Variants in LRMDA observed in about 807,000 individuals in gnomAD.
LRMDA encodes leucine rich melanocyte differentiation associated.
In LRMDA, 18 loss-of-function variants were observed where a neutral mutation model predicts 29.8. The observed-to-expected ratio is 0.60, with a 90% CI of 0.42 to 0.90. The LOEUF is 0.90. Among genes scored for constraint, LRMDA ranks in the 40% least tolerant of loss-of-function variants. The pLI is 0.00. For synonymous variants in LRMDA, 125 were observed against 109.4 expected (o/e 1.14, Z -0.89); for missense variants, 273 against 273.9 (o/e 1.00, Z 0.02).
At chr10:75,999,612 C>T (rs571590904) in intron 2 of LRMDA, among the ~76,000 whole-genome samples, 2 of 152,318 alleles carry the variant, frequency 1.3e-5, no homozygotes, top group South Asian at 4.1e-4. Flanking sequence ...AGCTTGATTC[C>T]AGCAAGAACA....
At chr10:75,959,186 G>T (rs1846718278) in intron 2 of LRMDA, among the ~76,000 whole-genome samples, 1 of 152,176 alleles carries the variant, frequency 6.6e-6, no homozygotes, top group African/African-American at 2.4e-5. Context: ...AGAAAACCTA[G>T]TTAGAAGGTC....
intron 2 of LRMDA, chr10:75,783,135 T>A: frequency 7.9e-7 from 1 of 1,272,878 alleles, no homozygotes; most frequent in Non-Finnish European, 1.1e-6. Context: ...GCGAGATGAT[T>A]GATCTGCATA....
intron 2 of LRMDA, among the ~76,000 whole-genome samples, chr10:75,636,977 A>G (rs183795451): frequency 7.9e-5 from 12 of 152,296 alleles, no homozygotes; most frequent in Admixed American, 7.8e-4. Flanking sequence ...CCTATTGAAC[A>G]CTTACAGTAT....
intron 2 of LRMDA, among the ~76,000 whole-genome samples, chr10:75,532,727 C>G (rs1845492654): frequency 6.6e-6 from 1 of 152,136 alleles, no homozygotes; most frequent in Non-Finnish European, 1.5e-5. Context: ...AGACAACCTG[C>G]ATCACTCAGA....
chr10:76,108,066 G>A (rs1029887149), intron 5 of LRMDA, among the ~76,000 whole-genome samples: 1 of 152,152 alleles, frequency 6.6e-6, no homozygotes, highest in African/African-American at 2.4e-5. Flanking sequence ...ACAGAAATTA[G>A]GGAAGTAAGA....
At chr10:75,438,680 G>T (rs1237148161) in intron 2 of LRMDA, among the ~76,000 whole-genome samples, 186 bp downstream of exon 2, 1 of 152,206 alleles carries the variant, frequency 6.6e-6, no homozygotes, top group African/African-American at 2.4e-5. Context: ...TTCCTTGGCT[G>T]CCTTTTTTTG....
intron 6 of LRMDA, among the ~76,000 whole-genome samples, chr10:76,416,615 C>T (rs556565050): frequency 1.4e-4 from 22 of 152,248 alleles, no homozygotes; most frequent in African/African-American, 4.3e-4. Flanking sequence ...AAACAAAAAC[C>T]ACCTCCATGG....
intron 6 of LRMDA, among the ~76,000 whole-genome samples, chr10:76,361,524 G>T (rs1841312735): frequency 6.6e-6 from 1 of 152,164 alleles, no homozygotes; most frequent in African/African-American, 2.4e-5. Flanking sequence ...GGGCAGGATT[G>T]TGATGGATGG....
At chr10:75,990,996 G>C (rs765864903) in intron 2 of LRMDA, among the ~76,000 whole-genome samples, 10 of 152,128 alleles carry the variant, frequency 6.6e-5, no homozygotes, top group Non-Finnish European at 1.2e-4. Flanking sequence ...CTGGACCTCA[G>C]CCTCCTCCTC....
intron 2 of LRMDA, among the ~76,000 whole-genome samples, chr10:75,532,035 C>A (rs1377010225): frequency 8.0e-6 from 1 of 124,796 alleles, no homozygotes; most frequent in Non-Finnish European, 1.6e-5. Flanking sequence ...TAAGGGAAGA[C>A]TCTACCTCAA....
At chr10:75,855,646 C>A (rs1301811514) in intron 2 of LRMDA, among the ~76,000 whole-genome samples, 2 of 152,178 alleles carry the variant, frequency 1.3e-5, no homozygotes, top group African/African-American at 2.4e-5. Context: ...GGCCATGCCT[C>A]TGTCCTGAAT....
chr10:75,461,307 C>T (rs1564776837), intron 2 of LRMDA, among the ~76,000 whole-genome samples: 1 of 152,146 alleles, frequency 6.6e-6, no homozygotes. Context: ...CTCTGTGTCC[C>T]TGGATCTTCA....
At chr10:76,204,913 CCCTGGCT>C (rs1264347606) in intron 5 of LRMDA, among the ~76,000 whole-genome samples, 1 of 152,170 alleles carries the variant, frequency 6.6e-6, no homozygotes, top group Non-Finnish European at 1.5e-5. Flanking sequence ...TCAGGAGAAT[CCCTGGCT>C]TCTGGAGTTT....
intron 2 of LRMDA, among the ~76,000 whole-genome samples, chr10:75,574,461 T>C (rs529763251): frequency 6.6e-6 from 1 of 152,340 alleles, no homozygotes; most frequent in East Asian, 1.9e-4. Flanking sequence ...CCCAGTGGAA[T>C]GATCTCATTT....
chr10:75,617,064 A>AG (rs924289877), intron 2 of LRMDA, among the ~76,000 whole-genome samples: 20 of 152,310 alleles, frequency 1.3e-4, no homozygotes, highest in African/African-American at 4.6e-4. Context: ...TTTCTATGAA[A>AG]GTGTGCATTT....
At chr10:76,054,517 T>A (rs1848578949) in intron 4 of LRMDA, among the ~76,000 whole-genome samples, 1 of 152,000 alleles carries the variant, frequency 6.6e-6, no homozygotes. Context: ...GTTGTCATCA[T>A]GGTTCCTGCC....
rs201504500 is a variant in LRMDA at position 76,000,102 on chromosome 10, A to AT, written c.132-35896dup. On this transcript the variant is annotated intron_variant, in intron 2 of 6. Transcript: ENST00000611255. ...AAAGAAATCTCTTCTCTTGAAGATA[A>AT]TTTTTTTTTTAAATTGAGGGGAACA... Among the ~76,000 whole-genome samples, 1,259 of 150,856 alleles carry AT rather than the reference A, an allele frequency of 8.3e-3. 10 individuals are homozygous for AT. The highest frequency in any genetic ancestry group is 0.01 in the Middle Eastern group (3 of 290).
chr10:76,115,420 C>T (rs913754203), intron 5 of LRMDA, among the ~76,000 whole-genome samples: 11 of 152,338 alleles, frequency 7.2e-5, no homozygotes, highest in South Asian at 4.1e-4. Flanking sequence ...GCAGAGTCGT[C>T]GTCCTCCTCC....
chr10:75,662,671 A>G (rs926330754), intron 2 of LRMDA, among the ~76,000 whole-genome samples: 3 of 152,228 alleles, frequency 2.0e-5, no homozygotes, highest in Non-Finnish European at 4.4e-5. Context: ...AAAATATTTC[A>G]TCAGTGTAGC....
Sources: allele counts gnomAD v4.1 joint callset (sites outside exome capture counted in the v4.1 genomes callset), GRCh38; gene constraint gnomAD v4.1.1; transcripts MANE v1.5; gene names NCBI Gene and HGNC (gene_info 2026-07-23, HGNC 2026-07-21).